Variants in REDIC1 observed in about 807,000 individuals in gnomAD.
REDIC1 encodes HEI10 Interacting Protein 1.
At chr12:39,668,018 C>T in the REDIC1 span, among the ~76,000 whole-genome samples, 1 of 152,142 alleles carries the variant, frequency 6.6e-6, no homozygotes, top group East Asian at 1.9e-4. Flanking sequence ...AACTCTTTAT[C>T]CAATTTTCCA....
chr12:39,788,530 A>G, the REDIC1 span: 18 of 152,192 alleles, frequency 1.2e-4, no homozygotes, highest in Non-Finnish European at 2.9e-5. Flanking sequence ...TTTAAAACTT[A>G]TAATTGTTTA....
the REDIC1 span, among the ~76,000 whole-genome samples, chr12:39,761,518 G>A: frequency 6.6e-6 from 1 of 152,158 alleles, no homozygotes; most frequent in South Asian, 2.1e-4. Flanking sequence ...GACCAGGAAA[G>A]GAAGAGTTGC....
At chr12:39,715,806 G>C in the REDIC1 span, among the ~76,000 whole-genome samples, 72 of 151,992 alleles carry the variant, frequency 4.7e-4, no homozygotes, top group African/African-American at 1.5e-3. Context: ...GATCATGGTG[G>C]ATTTATAGTA....
chr12:39,728,108 A>G, the REDIC1 span, among the ~76,000 whole-genome samples: 1 of 152,118 alleles, frequency 6.6e-6, no homozygotes, highest in Non-Finnish European at 1.5e-5. Context: ...AACAGAGACA[A>G]TTTGACTTTC....
the REDIC1 span, among the ~76,000 whole-genome samples, chr12:39,903,766 T>C: frequency 6.6e-6 from 1 of 152,088 alleles, no homozygotes; most frequent in African/African-American, 2.4e-5. Flanking sequence ...TATTCCTAGA[T>C]TGTTCAGTTA....
chr12:39,709,701 A>G, the REDIC1 span, among the ~76,000 whole-genome samples: 1 of 151,826 alleles, frequency 6.6e-6, no homozygotes, highest in South Asian at 2.1e-4. Flanking sequence ...AATAGTATTC[A>G]ATTGTACGTG....
At chr12:39,711,521 GTA>G in the REDIC1 span, among the ~76,000 whole-genome samples, 27 of 135,650 alleles carry the variant, frequency 2.0e-4, no homozygotes, top group African/African-American at 5.2e-4. Flanking sequence ...GTATATATGT[GTA>G]TATGTGTATA....
chr12:39,905,795 G>T, the REDIC1 span, among the ~76,000 whole-genome samples: 1 of 145,544 alleles, frequency 6.9e-6, no homozygotes, highest in Non-Finnish European at 1.5e-5. Flanking sequence ...GCCTTCAAAA[G>T]GTACTAGGCC....
chr12:39,813,941 C>T, the REDIC1 span, among the ~76,000 whole-genome samples: 1 of 152,332 alleles, frequency 6.6e-6, no homozygotes, highest in Middle Eastern at 3.4e-3. Context: ...TCTTGGATAA[C>T]TCCACATTTC....
At chr12:39,699,778 C>T in the REDIC1 span, among the ~76,000 whole-genome samples, 5 of 152,184 alleles carry the variant, frequency 3.3e-5, no homozygotes, top group Non-Finnish European at 7.3e-5. Flanking sequence ...CAAGTGGGTC[C>T]CTGACCCCTG....
chr12:39,903,802 C>T, the REDIC1 span, among the ~76,000 whole-genome samples: 1 of 152,038 alleles, frequency 6.6e-6, no homozygotes, highest in Non-Finnish European at 1.5e-5. Flanking sequence ...TCCCATTTAG[C>T]TTAAGTTTTC....
chr12:39,657,315 G>T, the REDIC1 span, among the ~76,000 whole-genome samples: 2 of 152,134 alleles, frequency 1.3e-5, 1 homozygote, highest in South Asian at 4.1e-4. Context: ...AGGAGCAATA[G>T]GCCATACTAT....
the REDIC1 span, among the ~76,000 whole-genome samples, chr12:39,804,694 G>A: frequency 6.6e-6 from 1 of 152,116 alleles, no homozygotes; most frequent in Non-Finnish European, 1.5e-5. Context: ...TAAACAGAAC[G>A]TCTGTCCTCT....
chr12:39,811,134 G>A, the REDIC1 span, among the ~76,000 whole-genome samples: 1 of 151,944 alleles, frequency 6.6e-6, no homozygotes, highest in Non-Finnish European at 1.5e-5. Flanking sequence ...TGTGTCACCA[G>A]GAATTTTCTC....
chr12:39,685,958 C>G, the REDIC1 span, among the ~76,000 whole-genome samples: 1 of 152,246 alleles, frequency 6.6e-6, no homozygotes, highest in Non-Finnish European at 1.5e-5. Flanking sequence ...AATAATCTCC[C>G]TTGACTCTAT....
the REDIC1 span, among the ~76,000 whole-genome samples, chr12:39,642,946 A>G: frequency 1.3e-5 from 2 of 151,762 alleles, no homozygotes; most frequent in Non-Finnish European, 3.0e-5. Flanking sequence ...TTGAAAATAA[A>G]TATGATATGT....
the REDIC1 span, among the ~76,000 whole-genome samples, chr12:39,711,343 A>G: frequency 6.8e-6 from 1 of 147,590 alleles, no homozygotes; most frequent in African/African-American, 2.5e-5. Context: ...ACATATATAC[A>G]TCTATATGTA....
chr12:39,795,052 C>T, the REDIC1 span, among the ~76,000 whole-genome samples: 1 of 152,050 alleles, frequency 6.6e-6, no homozygotes, highest in African/African-American at 2.4e-5. Flanking sequence ...TTCTTAAAGC[C>T]ATGGGTTCAA....
the REDIC1 span, among the ~76,000 whole-genome samples, chr12:39,700,324 G>T: frequency 2.5e-3 from 387 of 152,264 alleles, 1 homozygote; most frequent in African/African-American, 8.5e-3. Context: ...GCGATCAACT[G>T]GAAGAAAGGG....
Sources: gnomAD v4.1 joint callset for allele counts (sites outside exome capture counted in the v4.1 genomes callset) on GRCh38, gnomAD v4.1.1 for gene constraint, MANE v1.5 for transcripts, NCBI Gene and HGNC (gene_info 2026-07-23, HGNC 2026-07-21) for gene names.